Variants in PTPRT observed in about 807,000 individuals in gnomAD.
PTPRT encodes protein tyrosine phosphatase receptor type T, also known as receptor-type tyrosine-protein phosphatase T.
PTPRT carries 56 observed loss-of-function variants against 176.8 expected under a neutral mutation model. That is an observed-to-expected ratio of 0.32 (90% confidence interval 0.26 to 0.40). The LOEUF (loss-of-function observed/expected upper bound fraction) is 0.40, where lower values mean the gene tolerates loss of function less well. PTPRT is among the 10% of genes least tolerant of loss of function. The pLI, the probability that PTPRT is intolerant of heterozygous loss-of-function variation, is 1.00. For missense variants in PTPRT, 1,540 were observed against 1,908.2 expected (o/e 0.81, Z 3.60); for synonymous variants, 783 against 739.0 (o/e 1.06, Z -0.96).
intron 1 of PTPRT, among the ~76,000 whole-genome samples, chr20:43,015,524 C>T (rs1985324683): frequency 6.6e-6 from 1 of 152,112 alleles, no homozygotes; most frequent in African/African-American, 2.4e-5. Context: ...CAAAAAGATC[C>T]CAAAGGGGAC....
At position 42,476,167 on chromosome 20, in the gene PTPRT, T is replaced by C. The variant is rs117587769; in HGVS notation, c.1154-3605A>G. On this transcript the variant is annotated intron_variant, in intron 7 of 30. Transcript: ENST00000373187. ...CCTTTGGCTAACAGTAGGTACTCCT[T>C]TTAGAGAGAATTGCCTTTCTTGGAG... 8.4e-3 allele frequency among the ~76,000 whole-genome samples: 1,284 copies of C among 152,296 alleles called. 11 individuals carry two copies. The highest frequency in any genetic ancestry group is 0.014 in the Middle Eastern group (4 of 294).
chr20:43,125,663 G>A (rs1442657743), intron 1 of PTPRT, among the ~76,000 whole-genome samples: 2 of 152,146 alleles, frequency 1.3e-5, no homozygotes, highest in African/African-American at 4.8e-5. Context: ...CTGTTCATTT[G>A]AAACCCATTC....
At chr20:42,650,048 C>T (rs1362768742) in intron 7 of PTPRT, among the ~76,000 whole-genome samples, 1 of 152,232 alleles carries the variant, frequency 6.6e-6, no homozygotes, top group African/African-American at 2.4e-5. Flanking sequence ...CATGACCACA[C>T]TCAGCTGCAA....
At chr20:42,876,666 T>C (rs1378519041) in intron 2 of PTPRT, among the ~76,000 whole-genome samples, 1 of 151,992 alleles carries the variant, frequency 6.6e-6, no homozygotes, top group African/African-American at 2.4e-5. Context: ...GGCAGCCCCT[T>C]TAGGGTCCTC....
In PTPRT at chr20:42,625,197, G is replaced by A. The variant is rs887393495; in HGVS notation, c.1153+52669C>T. 3.3e-5 allele frequency among the ~76,000 whole-genome samples: 5 copies of A among 152,180 alleles called. No homozygotes were observed. In the South Asian group the frequency reaches 1.0e-3, roughly 32 times the overall value. ...TTCTGGAGCTGAAAGTCCTCACTGT[G>A]AGGTCCAGCTTAACCTCTACTAGCT... is the stretch of plus-strand genomic sequence containing the variant. On this transcript the variant is annotated intron_variant, in intron 7 of 30. Transcript: ENST00000373187.
chr20:42,614,649 G>A (rs1165141067), intron 7 of PTPRT, among the ~76,000 whole-genome samples: 2 of 152,070 alleles, frequency 1.3e-5, no homozygotes, highest in East Asian at 3.8e-4. Flanking sequence ...GCAAACAGAG[G>A]CCATCCCAAA....
rs1020687693 is a variant in PTPRT at position 42,428,500 on chromosome 20, G to A, written c.1560+19720C>T. ...GTATGGGAAACTTTTTTCCAGTAAT[G>A]AAAAATATTAGCCCAACTTGCCTTT... On this transcript the variant is annotated intron_variant, in intron 9 of 30. Transcript: ENST00000373187. Among the ~76,000 whole-genome samples the A allele has an allele frequency of 4.6e-5, 7 of 152,096 alleles. No homozygotes were observed. The South Asian group carries it at 6.2e-4, about 14-fold the overall frequency.
In PTPRT at chr20:42,368,807, T is replaced by C. The variant is rs771391756; in HGVS notation, c.1561-16522A>G. On this transcript the variant is annotated intron_variant, in intron 9 of 30. Transcript: ENST00000373187. The stretch of plus-strand genomic sequence containing the variant: ...TTCTTTGAAGTGCTCTGAATATAAA[T>C]ATAGAAACGCTCCCATGGAGACCTG... Among the ~76,000 whole-genome samples the C allele has an allele frequency of 7.2e-5, 11 of 152,164 alleles. 1 individual carries two copies. Among genetic ancestry groups the C allele is most frequent in the Admixed American group, 2.6e-4 (4 of 15,284 alleles).
Position 42,145,558 on chromosome 20 carries a change from C to A in PTPRT, c.2683-3556G>T, listed in dbSNP as rs1027775126. 1.7e-4 allele frequency among the ~76,000 whole-genome samples: 24 copies of A among 140,368 alleles called. 1 individual carries two copies. The highest frequency in any genetic ancestry group is 3.3e-4 in the Non-Finnish European group (21 of 64,136). 92.1% of individuals were successfully genotyped at this position (140,368 alleles called of 152,430 possible). ...GATAGATAGATAGATGGATGTTGGGCTGGATTTAGCCTATGGCTATAGCTT... is the reference window on the plus strand; with the variant it reads ...GATAGATAGATAGATGGATGTTGGGATGGATTTAGCCTATGGCTATAGCTT... On this transcript the variant is annotated intron_variant, in intron 17 of 30. Coordinates refer to ENST00000373187, the MANE Select transcript of PTPRT (RefSeq NM_007050.6).
At chr20:43,041,178 C>G (rs556270491) in intron 1 of PTPRT, among the ~76,000 whole-genome samples, 1 of 152,228 alleles carries the variant, frequency 6.6e-6, no homozygotes, top group Non-Finnish European at 1.5e-5. Context: ...AAATGACTTG[C>G]TTCAGACCTG....
intron 7 of PTPRT, among the ~76,000 whole-genome samples, chr20:42,500,308 T>C (rs1180795783): frequency 1.3e-5 from 2 of 152,160 alleles, no homozygotes; most frequent in Admixed American, 1.3e-4. Flanking sequence ...TAAGCCTCTT[T>C]ATGCCGGTCT....
intron 2 of PTPRT, among the ~76,000 whole-genome samples, chr20:42,821,407 T>C (rs1350318119): frequency 3.3e-5 from 5 of 152,192 alleles, no homozygotes; most frequent in Non-Finnish European, 7.3e-5. Context: ...TGATGGAACA[T>C]ATCTCAAAAT....
intron 14 of PTPRT, among the ~76,000 whole-genome samples, chr20:42,247,793 T>A (rs1196177439): frequency 6.6e-6 from 1 of 152,122 alleles, no homozygotes; most frequent in Non-Finnish European, 1.5e-5. Flanking sequence ...GGGAAGTAGA[T>A]GTGTTAACAT....
At chr20:42,116,142 A>C (rs1173220802) in intron 21 of PTPRT, 2 of 714,400 alleles carry the variant, frequency 2.8e-6, no homozygotes, top group South Asian at 3.0e-5. Context: ...AAACAAACAA[A>C]AAAAGGTTTT....
At chr20:42,553,758 G>A (rs1482205518) in intron 7 of PTPRT, among the ~76,000 whole-genome samples, 3 of 152,026 alleles carry the variant, frequency 2.0e-5, no homozygotes, top group African/African-American at 4.8e-5. Flanking sequence ...ATCCAGTCAC[G>A]GGGCAGCCAG....
At chr20:43,159,840 G>A (rs181995087) in intron 1 of PTPRT, among the ~76,000 whole-genome samples, 34 of 151,922 alleles carry the variant, frequency 2.2e-4, no homozygotes, top group Non-Finnish European at 4.0e-4. Context: ...TTTTCGCCCC[G>A]ACCATGTCAA....
At chr20:42,372,363 A>T (rs561112942) in intron 9 of PTPRT, among the ~76,000 whole-genome samples, 7 of 146,436 alleles carry the variant, frequency 4.8e-5, no homozygotes, top group Non-Finnish European at 1.0e-4. Context: ...GGCTCATTGC[A>T]ACCTCTGCCT....
intron 13 of PTPRT, among the ~76,000 whole-genome samples, chr20:42,267,311 T>C (rs1184912818): frequency 2.0e-5 from 3 of 152,212 alleles, no homozygotes; most frequent in Non-Finnish European, 4.4e-5. Flanking sequence ...GCTATGATGT[T>C]CCGTAGGTTA....
At chr20:42,355,557 A>G (rs1238935563) in intron 9 of PTPRT, among the ~76,000 whole-genome samples, 1 of 152,176 alleles carries the variant, frequency 6.6e-6, no homozygotes, top group African/African-American at 2.4e-5. Context: ...TGGGATGGGA[A>G]AAGGTTTGGA....
Sources: allele counts gnomAD v4.1 joint callset (sites outside exome capture counted in the v4.1 genomes callset), GRCh38; gene constraint gnomAD v4.1.1; transcripts MANE v1.5; gene names NCBI Gene and HGNC (gene_info 2026-07-23, HGNC 2026-07-21).